Variants in SLC14A2 observed in about 807,000 individuals in gnomAD.
SLC14A2 encodes the protein urea transporter 2.
Under a neutral mutation model 104.6 loss-of-function variants are expected in SLC14A2, and 91 were observed. That is an observed-to-expected ratio of 0.87 (90% CI 0.73 to 1.04). SLC14A2 has a LOEUF of 1.04. Ranked by LOEUF, SLC14A2 falls within the 50% of genes least tolerant of loss-of-function variation. SLC14A2 has a pLI of 0.00. For synonymous variants in SLC14A2, 476 were observed against 466.4 expected, an observed-to-expected ratio of 1.02 and a Z score of -0.27; for missense variants, 1,189 against 1,156.0, an observed-to-expected ratio of 1.03 and a Z score of -0.41.
At chr18:45,475,229 T>C (rs2087335880) in intron 1 of SLC14A2, among the ~76,000 whole-genome samples, 1 of 152,204 alleles carries the variant, frequency 6.6e-6, no homozygotes, top group Non-Finnish European at 1.5e-5. Flanking sequence ...TTGATTGCAC[T>C]GTGGTCTGAG....
intron 1 of SLC14A2, among the ~76,000 whole-genome samples, chr18:45,427,312 C>G (rs1266396975): frequency 1.3e-5 from 2 of 152,008 alleles, no homozygotes; most frequent in Non-Finnish European, 2.9e-5. Context: ...TGGCTCTCAC[C>G]CTGGCTCTGT....
intron 2 of SLC14A2, among the ~76,000 whole-genome samples, chr18:45,490,704 A>G (rs1252349566): frequency 6.6e-6 from 1 of 152,228 alleles, no homozygotes; most frequent in Non-Finnish European, 1.5e-5. Context: ...TTTGCAATGC[A>G]TGTGACCTAA....
chr18:45,291,491 T>C (rs1263886973), intron 1 of SLC14A2, among the ~76,000 whole-genome samples: 1 of 152,168 alleles, frequency 6.6e-6, no homozygotes, highest in Non-Finnish European at 1.5e-5. Flanking sequence ...GTGCTACTTA[T>C]TGCCCCTGGT....
intron 1 of SLC14A2, among the ~76,000 whole-genome samples, chr18:45,301,278 TG>T (rs1338357332): frequency 6.6e-6 from 1 of 152,244 alleles, no homozygotes; most frequent in East Asian, 1.9e-4. Context: ...ACCCCGACAC[TG>T]TGGTTCTCAA....
At chr18:45,252,844 G>T (rs2144079835) in intron 1 of SLC14A2, among the ~76,000 whole-genome samples, 1 of 146,946 alleles carries the variant, frequency 6.8e-6, no homozygotes, top group Middle Eastern at 3.7e-3. Flanking sequence ...AGAGGTCATA[G>T]GAATTAAAAA....
rs567477705 is a variant in SLC14A2, at chr18:45,676,412, T to C, written c.2513-2563T>C. On this transcript the variant is annotated intron_variant, in intron 18 of 19. Coordinates refer to ENST00000255226, the MANE Select transcript of SLC14A2 (RefSeq NM_007163.4). Reference sequence around the variant, plus strand: ...CCAGCTGGGAAAGGACATTACAGGATATCCCTGGCTACCAACTCCAAGTTC... The same window carrying C: ...CCAGCTGGGAAAGGACATTACAGGACATCCCTGGCTACCAACTCCAAGTTC... 1.3e-4 allele frequency among the ~76,000 whole-genome samples: 20 copies of C among 152,328 alleles called. No homozygotes were observed. In the East Asian group the frequency reaches 3.1e-3, roughly 23 times the overall value.
At chr18:45,637,274 T>C in intron 6 of SLC14A2, 92 bp downstream of exon 6, 1 of 1,021,412 alleles carries the variant, frequency 9.8e-7, no homozygotes, top group South Asian at 1.6e-5. Flanking sequence ...GCTCTCAACT[T>C]CTCTAGAAAC....
At chr18:45,655,770 G>A (rs765842463) in intron 10 of SLC14A2, among the ~76,000 whole-genome samples, 1 of 152,162 alleles carries the variant, frequency 6.6e-6, no homozygotes, top group Non-Finnish European at 1.5e-5. Context: ...TGACACACAG[G>A]TGTTCATTAT....
chr18:45,553,995 G>A (rs942274103), intron 2 of SLC14A2, among the ~76,000 whole-genome samples: 4 of 152,138 alleles, frequency 2.6e-5, no homozygotes, highest in Admixed American at 6.5e-5. Flanking sequence ...TCATGTATTC[G>A]GAGCAAAACT....
At chr18:45,204,834 C>T in the SLC14A2 span, among the ~76,000 whole-genome samples, 1 of 150,996 alleles carries the variant, frequency 6.6e-6, no homozygotes, top group Non-Finnish European at 1.5e-5. Flanking sequence ...AAAACTTTCC[C>T]AGAGAAGGTA....
intron 1 of SLC14A2, among the ~76,000 whole-genome samples, chr18:45,352,916 G>C (rs1454245290): frequency 6.6e-6 from 1 of 152,190 alleles, no homozygotes; most frequent in Non-Finnish European, 1.5e-5. Flanking sequence ...AGACTCCAGG[G>C]ATGCCTCCTG....
intron 2 of SLC14A2, among the ~76,000 whole-genome samples, chr18:45,587,997 G>T (rs1318249380): frequency 6.6e-6 from 1 of 152,138 alleles, no homozygotes; most frequent in East Asian, 1.9e-4. Flanking sequence ...TTGCAGGGGG[G>T]CGCTAGGGCA....
chr18:45,259,825 A>G (rs576943439), intron 1 of SLC14A2, among the ~76,000 whole-genome samples: 3 of 152,354 alleles, frequency 2.0e-5, no homozygotes, highest in East Asian at 1.9e-4. Context: ...AAAAGAATAT[A>G]AAGGAGTAAT....
chr18:45,426,543 CATGTGT>C (rs1312462502), intron 1 of SLC14A2, among the ~76,000 whole-genome samples: 3 of 135,172 alleles, frequency 2.2e-5, no homozygotes, highest in East Asian at 4.6e-4. Flanking sequence ...ATGAGATCAG[CATGTGT>C]GTGTGTGTGT....
intron 1 of SLC14A2, among the ~76,000 whole-genome samples, chr18:45,325,468 C>T (rs1016501857): frequency 5.3e-5 from 8 of 152,278 alleles, no homozygotes; most frequent in African/African-American, 1.9e-4. Context: ...CTAGGAGAAA[C>T]TCAAACAAAA....
At chr18:45,287,258 T>C (rs1243768553) in intron 1 of SLC14A2, among the ~76,000 whole-genome samples, 6 of 152,230 alleles carry the variant, frequency 3.9e-5, no homozygotes, top group African/African-American at 9.6e-5. Flanking sequence ...GATTACCTGC[T>C]AGCATTAATT....
intron 1 of SLC14A2, among the ~76,000 whole-genome samples, chr18:45,217,894 C>T (rs1244589167): frequency 6.6e-6 from 1 of 152,126 alleles, no homozygotes; most frequent in East Asian, 1.9e-4. Flanking sequence ...AAAAGATATC[C>T]AGGGAGAGAT....
intron 4 of SLC14A2, 56 bp from the exon 5 acceptor site, chr18:45,632,294 A>G: frequency 6.3e-7 from 1 of 1,583,608 alleles, no homozygotes; most frequent in Non-Finnish European, 8.6e-7. Flanking sequence ...ACCAGGAGGG[A>G]GGGGCCCAGT....
At chr18:45,488,045 T>C (rs1425971190) in intron 2 of SLC14A2, among the ~76,000 whole-genome samples, 1 of 152,124 alleles carries the variant, frequency 6.6e-6, no homozygotes, top group Non-Finnish European at 1.5e-5. Context: ...TCAGCTGTGG[T>C]CTGGAATTAA....
Sources: allele counts gnomAD v4.1 joint callset (sites outside exome capture counted in the v4.1 genomes callset), GRCh38; gene constraint gnomAD v4.1.1; transcripts MANE v1.5; gene names NCBI Gene and HGNC (gene_info 2026-07-23, HGNC 2026-07-21).